CHD9: variants seen among roughly 807,000 people sequenced by gnomAD.
CHD9 encodes the protein chromodomain helicase DNA binding protein 9, also known as ATP-dependent chromatin remodeler CHD9.
Under a neutral mutation model 316.1 loss-of-function variants are expected in CHD9, and 77 were observed. The observed-to-expected ratio is 0.24, with a 90% CI of 0.20 to 0.29. CHD9 has a LOEUF of 0.29. CHD9 is among the 10% of genes least tolerant of loss of function. CHD9 has a pLI of 1.00. For missense variants in CHD9, 2,763 were observed against 3,438.1 expected, an observed-to-expected ratio of 0.80 and a Z score of 4.91; for synonymous variants, 1,129 against 1,158.3, an observed-to-expected ratio of 0.97 and a Z score of 0.51.
intron 36 of CHD9, among the ~76,000 whole-genome samples, chr16:53,316,502 ATATTT>A (rs1447615633): frequency 6.6e-6 from 1 of 152,122 alleles, no homozygotes; most frequent in African/African-American, 2.4e-5. Context: ...TCACCTGCAA[ATATTT>A]TATCATAATA....
chr16:53,313,120 G>T (rs1184741028), intron 34 of CHD9, among the ~76,000 whole-genome samples: 1 of 151,968 alleles, frequency 6.6e-6, no homozygotes, highest in Non-Finnish European at 1.5e-5. Flanking sequence ...CATTTTTGTT[G>T]AGTGCCTACT....
intron 1 of CHD9, among the ~76,000 whole-genome samples, chr16:53,142,956 T>C (rs1449417977): frequency 6.6e-6 from 1 of 152,188 alleles, no homozygotes; most frequent in South Asian, 2.1e-4. Flanking sequence ...TTCTGCTGCA[T>C]CATCCTGTAG....
intron 32 of CHD9, among the ~76,000 whole-genome samples, chr16:53,307,050 G>A (rs889755644): frequency 3.4e-4 from 51 of 152,124 alleles, no homozygotes; most frequent in Non-Finnish European, 8.8e-5. Flanking sequence ...AAAGTGCTGA[G>A]ATTACAGGTG....
At chr16:53,239,528 A>C (rs188053820) in intron 12 of CHD9, among the ~76,000 whole-genome samples, 1 of 152,216 alleles carries the variant, frequency 6.6e-6, no homozygotes, top group Admixed American at 6.5e-5. Flanking sequence ...ATAAATTCAC[A>C]AAAAAACTGT....
intron 1 of CHD9, among the ~76,000 whole-genome samples, chr16:53,082,691 A>G (rs1328434306): frequency 6.6e-6 from 1 of 152,242 alleles, no homozygotes; most frequent in Admixed American, 6.5e-5. Flanking sequence ...CTTACTTCCA[A>G]CCACAGATCT....
intron 1 of CHD9, among the ~76,000 whole-genome samples, chr16:53,103,160 T>TA (rs869224309): frequency 2.1e-3 from 30 of 14,414 alleles, no homozygotes; most frequent in Middle Eastern, 0.026. Flanking sequence ...CCTGTCTCTT[T>TA]AAAAAAAAAA....
chr16:53,066,625 A>G (rs907293305), intron 1 of CHD9, among the ~76,000 whole-genome samples: 1 of 152,066 alleles, frequency 6.6e-6, no homozygotes, highest in Non-Finnish European at 1.5e-5. Context: ...TGAGAGAGGC[A>G]CCATATTTAA....
At chr16:53,249,052 A>G (rs1489747144) in intron 16 of CHD9, among the ~76,000 whole-genome samples, 2 of 152,138 alleles carry the variant, frequency 1.3e-5, no homozygotes, top group African/African-American at 2.4e-5. Flanking sequence ...AGTAATTCTT[A>G]TATTTTTTTA....
intron 1 of CHD9, among the ~76,000 whole-genome samples, chr16:53,068,427 A>T (rs1596865710): frequency 6.6e-6 from 1 of 151,746 alleles, no homozygotes; most frequent in Admixed American, 6.6e-5. Flanking sequence ...ATTCTCTCCC[A>T]CCTCTGCCTC....
intron 2 of CHD9, among the ~76,000 whole-genome samples, chr16:53,185,315 G>A (rs141056663): frequency 6.6e-6 from 1 of 152,202 alleles, no homozygotes; most frequent in Non-Finnish European, 1.5e-5. Context: ...TGGGCAGATT[G>A]TTGGGAACTG....
chr16:53,172,017 A>G (rs2042789313), intron 2 of CHD9, among the ~76,000 whole-genome samples: 1 of 152,054 alleles, frequency 6.6e-6, no homozygotes, highest in African/African-American at 2.4e-5. Context: ...TTCTATATCA[A>G]ATTTTCAGCT....
At chr16:53,148,966 G>A (rs556336953) in intron 1 of CHD9, among the ~76,000 whole-genome samples, 21 of 152,102 alleles carry the variant, frequency 1.4e-4, no homozygotes, top group Admixed American at 9.8e-4. Flanking sequence ...GCTATATTGC[G>A]TTTCAATTTT....
intron 1 of CHD9, among the ~76,000 whole-genome samples, chr16:53,093,421 G>A (rs983200028): frequency 2.0e-5 from 3 of 152,114 alleles, no homozygotes. Context: ...TTAATGTTAG[G>A]GATTATCATC....
At chr16:53,068,232 C>T (rs759954577) in intron 1 of CHD9, among the ~76,000 whole-genome samples, 13 of 152,126 alleles carry the variant, frequency 8.5e-5, no homozygotes, top group Non-Finnish European at 1.3e-4. Flanking sequence ...AAATAACAGG[C>T]ACATAGTAGT....
chr16:53,274,414 G>C (rs773324477), intron 24 of CHD9, 112 bp downstream of exon 24: 35 of 549,664 alleles, frequency 6.4e-5, no homozygotes, highest in Non-Finnish European at 9.6e-6. Context: ...GGCTCGCACT[G>C]TAGGCACACC....
At chr16:53,093,257 C>T (rs1324022646) in intron 1 of CHD9, among the ~76,000 whole-genome samples, 3 of 152,152 alleles carry the variant, frequency 2.0e-5, no homozygotes, top group Non-Finnish European at 4.4e-5. Flanking sequence ...AGCTATGTGG[C>T]CTTAGGAAAA....
intron 24 of CHD9, among the ~76,000 whole-genome samples, chr16:53,275,943 G>A (rs1390341996): frequency 1.3e-5 from 2 of 152,044 alleles, no homozygotes; most frequent in Non-Finnish European, 2.9e-5. Context: ...TCATACAGTT[G>A]ATCTTGCTAT....
At chr16:53,266,329 A>T (rs1042508131) in intron 20 of CHD9, among the ~76,000 whole-genome samples, 2 of 152,178 alleles carry the variant, frequency 1.3e-5, no homozygotes, top group African/African-American at 4.8e-5. Flanking sequence ...CATACATATT[A>T]TGGCATACCA....
chr16:53,162,103 T>C (rs1225765666), intron 2 of CHD9, among the ~76,000 whole-genome samples: 2 of 152,224 alleles, frequency 1.3e-5, no homozygotes, highest in Admixed American at 1.3e-4. Context: ...TAGATATCAC[T>C]TCAAATATCT....
Sources: gnomAD v4.1 joint callset for allele counts (sites outside exome capture counted in the v4.1 genomes callset) on GRCh38, gnomAD v4.1.1 for gene constraint, MANE v1.5 for transcripts, NCBI Gene and HGNC (gene_info 2026-07-23, HGNC 2026-07-21) for gene names.